PHKA1: variants seen among roughly 807,000 people sequenced by gnomAD.
The protein encoded by PHKA1 is phosphorylase kinase regulatory subunit alpha 1.
A neutral mutation model predicts 110.2 loss-of-function variants in PHKA1; 60 were observed. That is an observed-to-expected ratio of 0.54 (90% CI 0.44 to 0.68). The LOEUF (loss-of-function observed/expected upper bound fraction) is 0.68, where lower values mean the gene tolerates loss of function less well. Ranked by LOEUF, PHKA1 falls within the 30% of genes least tolerant of loss-of-function variation. The pLI is 0.00. For missense variants in PHKA1, 801 were observed against 942.5 expected, an observed-to-expected ratio of 0.85 and a Z score of 1.97; for synonymous variants, 316 against 333.6, an observed-to-expected ratio of 0.95 and a Z score of 0.58.
intron 3 of PHKA1, among the ~76,000 whole-genome samples, chrX:72,701,519 G>A (rs2147835485): frequency 8.9e-6 from 1 of 111,758 alleles, no homozygotes; most frequent in African/African-American, 3.3e-5. Flanking sequence ...AGGAGTTCGA[G>A]ACCAGCCTGG....
chrX:72,680,013 C>CT (rs781909627), intron 5 of PHKA1, among the ~76,000 whole-genome samples: 1,426 of 101,136 alleles, frequency 0.014, 10 homozygotes, highest in African/African-American at 0.023. Context: ...ATAAAAGAAA[C>CT]TTTTTTTTTT....
At chrX:72,648,693 G>A (rs1556297889) in intron 13 of PHKA1, among the ~76,000 whole-genome samples, 1 of 111,585 alleles carries the variant, frequency 9.0e-6, no homozygotes, top group Admixed American at 9.6e-5. Context: ...TGGTGACTGG[G>A]AGATTTAGAT....
chrX:72,646,366 T>C (rs1227149284), intron 13 of PHKA1, among the ~76,000 whole-genome samples: 1 of 111,791 alleles, frequency 8.9e-6, no homozygotes, highest in African/African-American at 3.3e-5. Context: ...ATAAAATATT[T>C]AGAAAATTCT....
chrX:72,644,013 A>G (rs1290600567), intron 14 of PHKA1, among the ~76,000 whole-genome samples: 1 of 111,952 alleles, frequency 8.9e-6, no homozygotes, highest in Non-Finnish European at 1.9e-5. Context: ...AAAGACCTAA[A>G]AACAAGTTCC....
intron 17 of PHKA1, among the ~76,000 whole-genome samples, chrX:72,626,430 T>C (rs1416397175): frequency 9.0e-6 from 1 of 110,801 alleles, no homozygotes. Flanking sequence ...TCCTTTGAGA[T>C]CTAGGCAAAG....
At position 72,666,184 on chromosome X, in the gene PHKA1, C is replaced by T. The variant is rs1463478530; in HGVS notation, c.831G>A (p.Glu277=). The T allele has an allele frequency of 8.3e-7, 1 of 1,210,772 alleles. No homozygotes were observed. Among genetic ancestry groups the T allele is most frequent in the African/African-American group, 1.7e-5 (1 of 57,743 alleles). The change falls in exon 8 of 32, where the codon GAG becomes GAA. Residue 277 remains glutamate (E), a synonymous_variant. Transcript: ENST00000373542. The part of the protein sequence containing the change: ...AFAVEDSQLV[E]LTKQEIITKL... The stretch of plus-strand genomic sequence containing the variant: ...TGGTGATGATTTCCTGTTTTGTGAG[C>T]TCCACCAACTGGCTATCCTCTACTG...
intron 6 of PHKA1, among the ~76,000 whole-genome samples, chrX:72,672,836 T>C (rs1395363454): frequency 8.9e-6 from 1 of 112,179 alleles, no homozygotes; most frequent in Non-Finnish European, 1.9e-5. Context: ...GATGATAAAC[T>C]AAGGACACAG....
At chrX:72,624,669 A>T (rs899582481) in intron 17 of PHKA1, among the ~76,000 whole-genome samples, 21 of 111,438 alleles carry the variant, frequency 1.9e-4, no homozygotes, top group African/African-American at 6.5e-4. Flanking sequence ...TATTCTGTGT[A>T]CCTCACCTGC....
intron 3 of PHKA1, among the ~76,000 whole-genome samples, chrX:72,698,051 T>C (rs890892026): frequency 9.0e-6 from 1 of 111,093 alleles, no homozygotes; most frequent in Non-Finnish European, 1.9e-5. Context: ...CCACCAGACC[T>C]TTCTCTCTGT....
intron 2 of PHKA1, among the ~76,000 whole-genome samples, chrX:72,707,149 A>G (rs1180934833): frequency 1.8e-5 from 2 of 111,966 alleles, no homozygotes; most frequent in Non-Finnish European, 3.8e-5. Flanking sequence ...AGAATATATA[A>G]CTACACAACC....
chrX:72,705,681 A>G (rs1158269663), intron 2 of PHKA1, among the ~76,000 whole-genome samples: 4 of 112,326 alleles, frequency 3.6e-5, no homozygotes, highest in Non-Finnish European at 7.5e-5. Flanking sequence ...ATTTATCTGG[A>G]CATGTCCTCT....
Position 72,694,547 on chromosome X carries a change from A to G in PHKA1, c.454+1161T>C, listed in dbSNP as rs368033073. ...GATGGGCAGTACCTTTCAAATTTCC[A>G]TGTTATATTCATGCTATTCCCTTCC... On this transcript the variant is annotated intron_variant, in intron 4 of 31. Transcript: ENST00000373542. Among the ~76,000 whole-genome samples, 5 of 112,067 alleles carry G rather than the reference A, an allele frequency of 4.5e-5. No homozygotes were observed. The Admixed American group carries it at 4.7e-4, about 11-fold the overall frequency.
chrX:72,648,513 C>A (rs2053388112), intron 13 of PHKA1, among the ~76,000 whole-genome samples: 1 of 111,674 alleles, frequency 9.0e-6, no homozygotes, highest in Non-Finnish European at 1.9e-5. Flanking sequence ...CACTGTAAAC[C>A]TAGCTGAGTT....
At chrX:72,667,316 T>A (rs2053625707) in intron 7 of PHKA1, 59 bp downstream of exon 7, 1 of 867,219 alleles carries the variant, frequency 1.2e-6, no homozygotes, top group Admixed American at 2.4e-5. Context: ...AAGCTCATGC[T>A]TAAATCTGAG....
At chrX:72,630,177 G>A (rs1195938419) in intron 16 of PHKA1, among the ~76,000 whole-genome samples, 13 of 110,172 alleles carry the variant, frequency 1.2e-4, no homozygotes, top group South Asian at 3.9e-4. Context: ...ACTTGAACCC[G>A]GAAGCTGGAG....
chrX:72,629,627 A>C (rs1034739014), intron 16 of PHKA1, among the ~76,000 whole-genome samples: 4 of 111,950 alleles, frequency 3.6e-5, no homozygotes, highest in Non-Finnish European at 7.5e-5. Flanking sequence ...TATTTAGGCT[A>C]TTTAAAGTAA....
At chrX:72,702,205 T>C (rs1465876012) in intron 3 of PHKA1, among the ~76,000 whole-genome samples, 1 of 111,314 alleles carries the variant, frequency 9.0e-6, no homozygotes, top group Admixed American at 9.5e-5. Context: ...CCCAGCACTT[T>C]GGGAGGCCGA....
At chrX:72,670,134 A>G (rs1188506900) in intron 6 of PHKA1, among the ~76,000 whole-genome samples, 5 of 111,979 alleles carry the variant, frequency 4.5e-5, no homozygotes, top group Non-Finnish European at 9.4e-5. Flanking sequence ...ATGGCCAGTG[A>G]TGATGAGCAT....
At chrX:72,647,479 G>A (rs1045955651) in intron 13 of PHKA1, among the ~76,000 whole-genome samples, 14 of 112,198 alleles carry the variant, frequency 1.2e-4, no homozygotes, top group African/African-American at 4.5e-4. Context: ...AAAGGAAGCT[G>A]ATACAGATTC....
Sources: gnomAD v4.1 joint callset for allele counts (sites outside exome capture counted in the v4.1 genomes callset) on GRCh38, gnomAD v4.1.1 for gene constraint, MANE v1.5 for transcripts, NCBI Gene and HGNC (gene_info 2026-07-23, HGNC 2026-07-21) for gene names.